Variants in CDH13 observed in about 807,000 individuals in gnomAD.
CDH13 encodes cadherin 13, also known as cadherin-13.
Under a neutral mutation model 63.8 loss-of-function variants are expected in CDH13, and 24 were observed. The observed-to-expected ratio is 0.38, with a 90% CI of 0.27 to 0.53. The LOEUF is 0.53. Ranked by LOEUF, CDH13 falls within the 20% of genes least tolerant of loss-of-function variation. The probability of loss-of-function intolerance (pLI) is 0.85; values close to 1 mark genes in which losing one functional copy is unlikely to be tolerated. For synonymous variants in CDH13, 503 were observed against 355.3 expected (o/e 1.42, Z -4.67); for missense variants, 1,049 against 903.1 (o/e 1.16, Z -2.07).
At chr16:83,386,070 A>T (rs1251794690) in intron 6 of CDH13, among the ~76,000 whole-genome samples, 1 of 152,256 alleles carries the variant, frequency 6.6e-6, no homozygotes, top group Non-Finnish European at 1.5e-5. Flanking sequence ...CTGAAAATAG[A>T]GTAAACAACA....
chr16:82,783,098 C>G (rs1741389399), intron 1 of CDH13, among the ~76,000 whole-genome samples: 1 of 152,198 alleles, frequency 6.6e-6, no homozygotes. Context: ...TCAATGTGAG[C>G]AAACGTTCCA....
chr16:83,553,588 G>A (rs542440081), intron 7 of CDH13, among the ~76,000 whole-genome samples: 13 of 152,150 alleles, frequency 8.5e-5, no homozygotes, highest in Admixed American at 2.6e-4. Context: ...ATGGAGTATC[G>A]CTCTGTCGCC....
At chr16:82,686,506 G>T (rs575609537) in intron 1 of CDH13, among the ~76,000 whole-genome samples, 47 of 152,322 alleles carry the variant, frequency 3.1e-4, no homozygotes, top group African/African-American at 9.9e-4. Context: ...AGGCAGCAGT[G>T]CGATGCATGG....
intron 4 of CDH13, among the ~76,000 whole-genome samples, chr16:83,192,114 G>A (rs12448939): frequency 0.091 from 13,829 of 152,212 alleles, 680 homozygotes; most frequent in South Asian, 0.16. Flanking sequence ...CACAGTTCCT[G>A]CCTTCTAATT....
chr16:83,256,452 A>C (rs370775516), intron 5 of CDH13, among the ~76,000 whole-genome samples: 1 of 152,128 alleles, frequency 6.6e-6, no homozygotes, highest in Admixed American at 6.6e-5. Flanking sequence ...TGAGGCTACA[A>C]GAGCATTAGA....
chr16:83,539,678 A>C (rs1186342861), intron 7 of CDH13, among the ~76,000 whole-genome samples: 1 of 152,248 alleles, frequency 6.6e-6, no homozygotes, highest in East Asian at 1.9e-4. Context: ...TGGAGTCCTC[A>C]CAAGAACTTC....
chr16:83,768,630 G>A (rs891030431), intron 11 of CDH13, among the ~76,000 whole-genome samples: 2 of 152,204 alleles, frequency 1.3e-5, no homozygotes, highest in Non-Finnish European at 2.9e-5. Flanking sequence ...CCCAAGGGCT[G>A]CTGGTTGCCC....
At chr16:82,641,091 A>G (rs1373891727) in intron 1 of CDH13, among the ~76,000 whole-genome samples, 1 of 152,214 alleles carries the variant, frequency 6.6e-6, no homozygotes, top group Non-Finnish European at 1.5e-5. Context: ...GGTCACAGTC[A>G]TGGGAAACTG....
chr16:82,965,115 C>T (rs1417628861), intron 2 of CDH13, among the ~76,000 whole-genome samples: 1 of 152,218 alleles, frequency 6.6e-6, no homozygotes, highest in African/African-American at 2.4e-5. Context: ...ACTCTCTAAC[C>T]AGGAATACTG....
intron 6 of CDH13, among the ~76,000 whole-genome samples, chr16:83,397,018 C>T (rs944048607): frequency 6.6e-6 from 1 of 152,162 alleles, no homozygotes; most frequent in African/African-American, 2.4e-5. Context: ...AGCCAAGCAG[C>T]CTTGGCTAAA....
At chr16:83,067,064 C>T (rs932674084) in intron 3 of CDH13, among the ~76,000 whole-genome samples, 27 of 152,188 alleles carry the variant, frequency 1.8e-4, no homozygotes, top group African/African-American at 5.1e-4. Flanking sequence ...CCGTTTTAAG[C>T]GTCCTTCATT....
At chr16:83,502,385 C>CA (rs1567717377) in intron 7 of CDH13, among the ~76,000 whole-genome samples, 1 of 150,296 alleles carries the variant, frequency 6.7e-6, no homozygotes, top group African/African-American at 2.5e-5. Flanking sequence ...GCATCTAAAA[C>CA]AAAAAAGGAA....
intron 2 of CDH13, among the ~76,000 whole-genome samples, chr16:82,977,305 G>A (rs1258035145): frequency 2.0e-5 from 3 of 152,112 alleles, no homozygotes; most frequent in Admixed American, 6.5e-5. Flanking sequence ...GTGAGGGCCA[G>A]GGTATTAACC....
At chr16:83,715,518 C>A (rs1053032607) in intron 10 of CDH13, among the ~76,000 whole-genome samples, 1 of 152,160 alleles carries the variant, frequency 6.6e-6, no homozygotes, top group Admixed American at 6.5e-5. Context: ...GCAGCAGCAG[C>A]GTTAGTAAAA....
At chr16:82,869,238 G>A (rs1171112524) in intron 2 of CDH13, among the ~76,000 whole-genome samples, 3 of 152,252 alleles carry the variant, frequency 2.0e-5, no homozygotes, top group South Asian at 2.1e-4. Flanking sequence ...ATAGAGCAAA[G>A]TTTTGCCATG....
chr16:83,187,699 C>T (rs1012831059), intron 4 of CDH13, among the ~76,000 whole-genome samples: 6 of 152,064 alleles, frequency 3.9e-5, no homozygotes, highest in Non-Finnish European at 5.9e-5. Context: ...CTGTAAATTC[C>T]GTGGACACAG....
intron 1 of CDH13, among the ~76,000 whole-genome samples, chr16:82,854,029 G>C (rs1476605760): frequency 6.6e-6 from 1 of 152,116 alleles, no homozygotes; most frequent in Non-Finnish European, 1.5e-5. Context: ...CCTTACCAAA[G>C]TTACTGTGAA....
intron 6 of CDH13, among the ~76,000 whole-genome samples, chr16:83,353,473 C>G (rs77397246): frequency 0.017 from 2,665 of 152,380 alleles, 43 homozygotes; most frequent in East Asian, 0.073. Flanking sequence ...ACCAAAGCAT[C>G]TGCTGGGACA....
chr16:83,347,303 G>A (rs2090860311), intron 6 of CDH13, among the ~76,000 whole-genome samples: 1 of 134,578 alleles, frequency 7.4e-6, no homozygotes. Context: ...AGGATCCCAT[G>A]TGTTGTAGAA....
Sources: gnomAD v4.1 joint callset for allele counts (sites outside exome capture counted in the v4.1 genomes callset) on GRCh38, gnomAD v4.1.1 for gene constraint, MANE v1.5 for transcripts, NCBI Gene and HGNC (gene_info 2026-07-23, HGNC 2026-07-21) for gene names.